The following UBE2Q1 variants were observed in gnomAD, a reference collection of about 807,000 sequenced individuals.
UBE2Q1 encodes the protein ubiquitin conjugating enzyme E2 Q1.
A neutral mutation model predicts 60.1 loss-of-function variants in UBE2Q1; 6 were observed. The observed-to-expected ratio is 0.10, with a 90% confidence interval of 0.05 to 0.20. The LOEUF is 0.20. Among genes scored for constraint, UBE2Q1 ranks in the 10% least tolerant of loss-of-function variants. UBE2Q1 has a pLI of 1.00. For missense variants in UBE2Q1, 262 were observed against 525.8 expected (o/e 0.50, Z 4.91); for synonymous variants, 226 against 208.3 (o/e 1.09, Z -0.73).
intron 1 of UBE2Q1, among the ~76,000 whole-genome samples, chr1:154,557,038 C>G (rs1695901583): frequency 6.6e-6 from 1 of 152,160 alleles, no homozygotes; most frequent in South Asian, 2.1e-4. Flanking sequence ...TTTTAACTTT[C>G]TAGCAGGAAA....
chr1:154,551,670 G>T (rs1695792314), intron 10 of UBE2Q1, 101 bp downstream of exon 10: 1 of 1,540,872 alleles, frequency 6.5e-7, no homozygotes, highest in Non-Finnish European at 9.0e-7. Context: ...AGAATGAAAG[G>T]GCCACATCAT....
At chr1:154,551,649 C>A in intron 10 of UBE2Q1, 122 bp downstream of exon 10, 1 of 1,499,676 alleles carries the variant, frequency 6.7e-7, no homozygotes, top group Non-Finnish European at 9.3e-7. Flanking sequence ...TGGGTGCAGA[C>A]CCAGCCCAGC....
chr1:154,556,652 C>T (rs959112851), intron 1 of UBE2Q1, among the ~76,000 whole-genome samples: 6 of 152,226 alleles, frequency 3.9e-5, no homozygotes, highest in Non-Finnish European at 8.8e-5. Context: ...ATTCCTGAGC[C>T]ACGGTGCCAA....
In UBE2Q1 at chr1:154,552,326, T is replaced by A. The variant is rs1571007677; in HGVS notation, c.875+78A>T. The A allele has an allele frequency of 1.9e-6, 3 of 1,598,326 alleles. No individual in the cohort carries two copies. In the East Asian group the frequency reaches 6.7e-5, roughly 36 times the overall value. ...CCTGAATGAAAATGCTGGATGGGGCTGCCCTGGAGATCCCACCACAGTAGC... is the reference window on the plus strand; with the variant it reads ...CCTGAATGAAAATGCTGGATGGGGCAGCCCTGGAGATCCCACCACAGTAGC... On this transcript the variant is annotated intron_variant, in intron 7 of 12. Transcript: ENST00000292211.
chr1:154,551,048 C>A, intron 11 of UBE2Q1, 44 bp from the exon 12 acceptor site: 1 of 1,607,974 alleles, frequency 6.2e-7, no homozygotes. Context: ...CTAGCTGTGG[C>A]CTTACTGCCC....
intron 4 of UBE2Q1, 120 bp from the exon 5 acceptor site, chr1:154,553,292 C>G (rs1013764971): frequency 8.3e-6 from 11 of 1,319,336 alleles, no homozygotes; most frequent in Non-Finnish European, 1.0e-5. Context: ...TGAAGCAGTC[C>G]ATCTAGCAGT....
chr1:154,553,182 G>A lies in UBE2Q1; in HGVS notation c.589-10C>T. ...CTAAGTCTTCTGTGTCCTGGAGGAG[G>A]TGTGGGGTGGGAGTGAAAAGAAAAG... On this transcript the variant is annotated splice_polypyrimidine_tract_variant and intron_variant, in intron 4 of 12. Coordinates refer to ENST00000292211, the MANE Select transcript of UBE2Q1 (RefSeq NM_017582.7). 1 of 1,608,934 alleles carries A rather than the reference G, an allele frequency of 6.2e-7. No individual in the cohort carries two copies. The highest frequency in any genetic ancestry group is 1.1e-5 in the South Asian group (1 of 90,676).
chr1:154,551,858 C>A (rs1422933962), intron 9 of UBE2Q1, 39 bp from the exon 10 acceptor site: 2 of 1,614,250 alleles, frequency 1.2e-6, no homozygotes, highest in East Asian at 4.5e-5. Context: ...CTGACAAAAT[C>A]TCCAAGTCTC....
Position 154,550,817 on chromosome 1 carries a change from G to A in UBE2Q1, c.1237+121C>T, listed in dbSNP as rs983754501. 6.3e-6 allele frequency: 10 copies of A among 1,576,908 alleles called. No individual in the cohort carries two copies. The African/African-American group carries it at 6.7e-5, about 11-fold the overall frequency. On this transcript the variant is annotated intron_variant, in intron 12 of 12. Coordinates refer to ENST00000292211, the MANE Select transcript of UBE2Q1 (RefSeq NM_017582.7). ...CCCTCCTGGGAGAACTGGGGCAGGT[G>A]CTGTGTTAATGGGTGGTTGAGTATC...
Position 154,552,832 on chromosome 1 carries a change from G to A in UBE2Q1, c.730-12C>T, listed in dbSNP as rs759673009. ...CCAGACACTGCACCCTGTGAGGGACGGATGACAGGAACATTCCTTGGTCGT... is the reference window on the plus strand; with the variant it reads ...CCAGACACTGCACCCTGTGAGGGACAGATGACAGGAACATTCCTTGGTCGT... On this transcript the variant is annotated splice_polypyrimidine_tract_variant and intron_variant, in intron 5 of 12. Coordinates refer to ENST00000292211, the MANE Select transcript of UBE2Q1 (RefSeq NM_017582.7). The A allele has an allele frequency of 6.2e-6, 10 of 1,613,438 alleles. No homozygotes were observed. Among genetic ancestry groups the A allele is most frequent in the African/African-American group, 1.3e-5 (1 of 74,880 alleles).
rs200884226 is a variant in UBE2Q1, at chr1:154,558,270, C to T, written c.284G>A (p.Gly95Glu). Residue 95 changes from glycine to glutamate, a missense_variant, in exon 1 of 13, where the codon GGG becomes GAG. By Grantham distance (98) the Gly-to-Glu change is moderately conservative. This residue lies in a region of UBE2Q1 where 49 missense variants were observed against 32.5 expected (regional missense o/e 1.51). Coordinates refer to ENST00000292211, the MANE Select transcript of UBE2Q1 (RefSeq NM_017582.7). The part of the protein sequence containing the change: ...AAPGPHLPPR[G>E]SVPGDPVRIH... ...GCGGACAGGATCCCCAGGCACCGAC[C>T]CCCGTGGGGGGAGATGCGGTCCGGG... The T allele has an allele frequency of 1.6e-4, 258 of 1,569,282 alleles. 1 individual carries two copies. Among genetic ancestry groups the T allele is most frequent in the Non-Finnish European group, 2.1e-4 (243 of 1,160,922 alleles).
At position 154,558,499 on chromosome 1, in the gene UBE2Q1, C is replaced by G. The variant is rs1251189872; in HGVS notation, c.55G>C (p.Gly19Arg). The G allele has an allele frequency of 8.3e-7, 1 of 1,206,296 alleles. No individual in the cohort carries two copies. 74.7% of individuals were successfully genotyped at this position (1,206,296 alleles called of 1,614,324 possible). The change falls in exon 1 of 13, where the codon GGG becomes CGG. Residue 19 changes from glycine to arginine, a missense_variant. By Grantham distance (125) the Gly-to-Arg change is moderately radical. Around this residue, in one of 5 missense-constraint regions of UBE2Q1, gnomAD observed 70 missense variants for 56.7 expected, o/e 1.24. Coordinates refer to ENST00000292211, the MANE Select transcript of UBE2Q1 (RefSeq NM_017582.7). ...GCCCCCGGCGCCGCCCCCTGGCCCC[C>G]CAGCTGCTGCCCCGGCCCCGGCTGC... is the stretch of plus-strand genomic sequence containing the variant. ...QQQPGPGQQL[G>R]GQGAAPGAGG...
chr1:154,554,894 G>C, intron 3 of UBE2Q1, 109 bp from the exon 4 acceptor site: 1 of 1,131,322 alleles, frequency 8.8e-7, no homozygotes, highest in Non-Finnish European at 1.3e-6. Flanking sequence ...GCGCCTGCCT[G>C]TAATGCTGCC....
Position 154,558,358 on chromosome 1 carries a change from G to A in UBE2Q1, c.196C>T (p.Leu66=), listed in dbSNP as rs749222548. 470 of 1,554,898 alleles carry A rather than the reference G, an allele frequency of 3.0e-4. No homozygotes were observed. The highest frequency in any genetic ancestry group is 3.9e-4 in the Non-Finnish European group (444 of 1,152,870). The change falls in exon 1 of 13, where the codon CTG becomes TTG. Residue 66 remains leucine, a synonymous_variant. Coordinates refer to ENST00000292211, the MANE Select transcript of UBE2Q1 (RefSeq NM_017582.7). ...AGGAACTCGCAGCTCAGCTCGTCCA[G>A]GCAGGCGCTGGCAATGCGGAAGCGC... is the stretch of plus-strand genomic sequence containing the variant. ...HERFRIASAC[L]DELSCEFLLA... is the part of the protein sequence containing the mutation.
intron 11 of UBE2Q1, 104 bp downstream of exon 11, chr1:154,551,293 G>T: frequency 8.2e-7 from 1 of 1,225,546 alleles, no homozygotes; most frequent in Non-Finnish European, 1.2e-6. Context: ...CCAGCCCGGG[G>T]GCCTTATGCT....
chr1:154,558,274 G>C lies in UBE2Q1; in HGVS notation c.280C>G (p.Arg94Gly). Residue 94 changes from arginine to glycine, a missense_variant, in exon 1 of 13, where the codon CGG becomes GGG. This residue lies in a region of UBE2Q1 where 49 missense variants were observed against 32.5 expected (regional missense o/e 1.51). Coordinates refer to ENST00000292211, the MANE Select transcript of UBE2Q1 (RefSeq NM_017582.7). ...ACAGGATCCCCAGGCACCGACCCCC[G>C]TGGGGGGAGATGCGGTCCGGGCGCG... ...GAAPGPHLPP[R>G]GSVPGDPVRI... The C allele has an allele frequency of 6.3e-7, 1 of 1,576,422 alleles. No homozygotes were observed. The highest frequency in any genetic ancestry group is 2.5e-5 in the East Asian group (1 of 40,038).
At chr1:154,555,102 A>G in intron 3 of UBE2Q1, 1 of 540,226 alleles carries the variant, frequency 1.9e-6, no homozygotes, top group South Asian at 2.5e-5. Context: ...CTGATATTGC[A>G]TTCTTGGTTC....
Position 154,551,755 on chromosome 1 carries a change from GGA to G in UBE2Q1, c.1074+14_1074+15del. ...CCGCCCAGGCCGGCCTGGCCAAGGA[GGA>G]GAGACAGGCTCACCTGTTTGGTGAG... is the stretch of plus-strand genomic sequence containing the variant. On this transcript the variant is annotated intron_variant, in intron 10 of 12. Transcript: ENST00000292211. 6.2e-7 allele frequency: 1 copy of G among 1,614,196 alleles called. No individual in the cohort carries two copies. The highest frequency in any genetic ancestry group is 8.5e-7 in the Non-Finnish European group (1 of 1,180,024).
In UBE2Q1 at chr1:154,551,266, CCT is replaced by C. The variant is rs1695787100; in HGVS notation, c.1170+129_1170+130del. The C allele has an allele frequency of 3.0e-6, 3 of 1,004,104 alleles. No individual in the cohort carries two copies. In the South Asian group the frequency reaches 4.4e-5, roughly 15 times the overall value. 62.2% of individuals were successfully genotyped at this position (1,004,104 alleles called of 1,614,324 possible). A position where few individuals can be genotyped will look rare whatever the true frequency, so the allele number is the denominator to read the frequency against. On this transcript the variant is annotated intron_variant, in intron 11 of 12. Transcript: ENST00000292211. Reference sequence around the variant, plus strand: ...TTGTTCCATTGTGGGCACCCTAGGCCCTCTCATCCAATGCCACCAGCCCGGGG... The same window carrying C: ...TTGTTCCATTGTGGGCACCCTAGGCCCTCATCCAATGCCACCAGCCCGGGG...
Sources: allele counts gnomAD v4.1 joint callset (sites outside exome capture counted in the v4.1 genomes callset), GRCh38; gene constraint gnomAD v4.1.1; regional missense constraint gnomAD v4.1.1; transcripts MANE v1.5; gene names NCBI Gene and HGNC (gene_info 2026-07-23, HGNC 2026-07-21).